SPAG9: variants seen among roughly 807,000 people sequenced by gnomAD.
The protein encoded by SPAG9 is C-Jun-amino-terminal kinase-interacting protein 4.
A neutral mutation model predicts 166.5 loss-of-function variants in SPAG9; 35 were observed. That is an observed-to-expected ratio of 0.21 (90% CI 0.16 to 0.28). The LOEUF is 0.28. Ranked by LOEUF, SPAG9 falls within the 10% of genes least tolerant of loss-of-function variation. The pLI is 1.00. For missense variants in SPAG9, 1,235 were observed against 1,603.3 expected (o/e 0.77, Z 3.92); for synonymous variants, 534 against 565.5 (o/e 0.94, Z 0.79).
chr17:50,996,499 T>G, intron 16 of SPAG9, 66 bp downstream of exon 16: 2 of 1,582,562 alleles, frequency 1.3e-6, no homozygotes, highest in Non-Finnish European at 1.7e-6. Context: ...GAATCCTTCA[T>G]GCCCACGCAC....
rs144601572 is a variant in SPAG9, at chr17:51,074,546, A to C, written c.424+5038T>G. 3.1e-3 allele frequency among the ~76,000 whole-genome samples: 476 copies of C among 152,354 alleles called. 3 individuals are homozygous for C. The highest frequency in any genetic ancestry group is 0.011 in the African/African-American group (449 of 41,590). ...TTTATACAGCAAGCTTTATTTCAGA[A>C]AGGAACAGCAGACTCCCAGGGGAGA... On this transcript the variant is annotated intron_variant, in intron 2 of 29. Transcript: ENST00000262013.
chr17:51,117,032 G>A (rs1318324966), intron 1 of SPAG9, among the ~76,000 whole-genome samples: 1 of 152,112 alleles, frequency 6.6e-6, no homozygotes, highest in Non-Finnish European at 1.5e-5. Context: ...CAGATTTCTT[G>A]ATTAGCATCT....
At chr17:50,985,834 T>C in intron 22 of SPAG9, 56 bp from the exon 23 acceptor site, 1 of 967,194 alleles carries the variant, frequency 1.0e-6, no homozygotes, top group Non-Finnish European at 1.6e-6. Flanking sequence ...ACATTGCATA[T>C]ATCTAACAAT....
intron 1 of SPAG9, among the ~76,000 whole-genome samples, chr17:51,098,497 T>C (rs940721938): frequency 3.3e-5 from 5 of 152,072 alleles, no homozygotes; most frequent in African/African-American, 4.8e-5. Flanking sequence ...TTTACTTATT[T>C]ATTTATTTAT....
chr17:51,041,569 C>T lies in SPAG9; in HGVS notation c.673G>A (p.Glu225Lys). 6.2e-7 allele frequency: 1 copy of T among 1,613,874 alleles called. No homozygotes were observed. Among genetic ancestry groups the T allele is most frequent in the Non-Finnish European group, 8.5e-7 (1 of 1,179,802 alleles). Reference protein sequence around the residue: ...LLTPDAQKGGETPGSEQWKFQ... With the variant: ...LLTPDAQKGGKTPGSEQWKFQ... ...TTCCATTGCTCAGATCCAGGGGTCT[C>T]TCCTCCTTTCTGAGCATCAGGTGTA... is the stretch of plus-strand genomic sequence containing the variant. The change falls in exon 5 of 30, where the codon GAG (glutamate) becomes AAG (lysine). Residue 225 changes from glutamate (E) to lysine (K), a missense_variant. This residue lies in a region of SPAG9 where 288 missense variants were observed against 323.7 expected (regional missense o/e 0.89). Coordinates refer to ENST00000262013, the MANE Select transcript of SPAG9 (RefSeq NM_001130528.3).
chr17:51,025,022 A>G (rs986773130), intron 6 of SPAG9, among the ~76,000 whole-genome samples: 3 of 151,598 alleles, frequency 2.0e-5, no homozygotes, highest in African/African-American at 7.3e-5. Context: ...TCATCTCAAA[A>G]AAAAAAAAAA....
intron 28 of SPAG9, among the ~76,000 whole-genome samples, chr17:50,973,224 C>T (rs28712272): frequency 0.066 from 10,050 of 152,154 alleles, 993 homozygotes; most frequent in African/African-American, 0.22. Context: ...TGTTTATAAA[C>T]ACATTCAAAC....
At position 51,041,577 on chromosome 17, in the gene SPAG9, T is replaced by C. The variant is rs1396510233; in HGVS notation, c.665A>G (p.Lys222Arg). The stretch of plus-strand genomic sequence containing the variant: ...CTCAGATCCAGGGGTCTCTCCTCCT[T>C]TCTGAGCATCAGGTGTAAGCAATCC... ...GDGLLTPDAQKGGETPGSEQW... is the reference protein window; with the variant it reads ...GDGLLTPDAQRGGETPGSEQW... Residue 222 changes from lysine to arginine, a missense_variant, in exon 5 of 30, where the codon AAA becomes AGA. By Grantham distance (26) the Lys-to-Arg change is conservative. This residue lies in a region of SPAG9 where 288 missense variants were observed against 323.7 expected (regional missense o/e 0.89). Transcript: ENST00000262013. 6.2e-7 allele frequency: 1 copy of C among 1,613,878 alleles called. No individual in the cohort carries two copies. The highest frequency in any genetic ancestry group is 8.5e-7 in the Non-Finnish European group (1 of 1,179,760).
At chr17:50,973,078 C>G (rs1208032387) in intron 28 of SPAG9, among the ~76,000 whole-genome samples, 1 of 152,094 alleles carries the variant, frequency 6.6e-6, no homozygotes, top group Non-Finnish European at 1.5e-5. Flanking sequence ...AGTTATAATA[C>G]CAGTTAAATG....
At chr17:51,032,316 C>G (rs1272287967) in intron 5 of SPAG9, among the ~76,000 whole-genome samples, 1 of 152,088 alleles carries the variant, frequency 6.6e-6, no homozygotes, top group Non-Finnish European at 1.5e-5. Flanking sequence ...GTGTACCCCA[C>G]CATGCCTGGA....
intron 7 of SPAG9, 56 bp downstream of exon 7, chr17:51,021,102 C>T (rs1287837474): frequency 1.4e-6 from 2 of 1,436,654 alleles, no homozygotes; most frequent in Non-Finnish European, 2.0e-6. Context: ...CTCATACCCA[C>T]ATTATCCAGG....
chr17:51,032,259 T>C (rs2046411855), intron 5 of SPAG9, among the ~76,000 whole-genome samples: 1 of 152,108 alleles, frequency 6.6e-6, no homozygotes, highest in African/African-American at 2.4e-5. Flanking sequence ...CTTCGCAGGA[T>C]TCAGGTGATT....
chr17:51,003,885 G>A (rs933854879), intron 12 of SPAG9, among the ~76,000 whole-genome samples: 2 of 152,234 alleles, frequency 1.3e-5, no homozygotes, highest in Non-Finnish European at 2.9e-5. Flanking sequence ...CCCACCTGGA[G>A]ACTTCTACTG....
At chr17:51,049,005 C>T (rs1047440416) in intron 3 of SPAG9, among the ~76,000 whole-genome samples, 1 of 152,028 alleles carries the variant, frequency 6.6e-6, no homozygotes, top group Non-Finnish European at 1.5e-5. Flanking sequence ...TTTTCAGGAA[C>T]AAAAATCAAA....
chr17:50,965,559 T>C lies in SPAG9; in HGVS notation c.*713A>G, dbSNP rs1488743355. On this transcript the variant is annotated 3_prime_UTR_variant, in exon 30 of 30. Transcript: ENST00000262013. ...AGACATGTCAGTATGAAAATGAGAC[T>C]GGTCTCAAAAAAAACCCATCAGAAT... 1 of 152,182 alleles carries C rather than the reference T, an allele frequency of 6.6e-6. No homozygotes were observed. The highest frequency in any genetic ancestry group is 2.4e-5 in the African/African-American group (1 of 41,454). The allele number at this position is 152,182 out of a possible 1,614,324, so 9.4% of individuals were successfully genotyped here. A position where few individuals can be genotyped will look rare whatever the true frequency, so the allele number is the denominator to read the frequency against.
chr17:51,077,005 G>GCTATCTAGCTAT (rs201838131), intron 2 of SPAG9, among the ~76,000 whole-genome samples: 19,291 of 91,340 alleles, frequency 0.21, 3,211 homozygotes, highest in Non-Finnish European at 0.27. Context: ...TAGCTATCTA[G>GCTATCTAGCTAT]CTAGCTAGCT....
intron 3 of SPAG9, among the ~76,000 whole-genome samples, chr17:51,048,109 T>C (rs543330226): frequency 6.6e-6 from 1 of 152,152 alleles, no homozygotes; most frequent in Non-Finnish European, 1.5e-5. Flanking sequence ...TTAATACAAA[T>C]GTAAAAAATT....
rs1568083867 is a variant in SPAG9, at chr17:51,095,978, T to TATATAGTGATATATATATATAGTG, written c.304-16275_304-16274insCACTATATATATATATCACTATAT. 6.8e-4 allele frequency among the ~76,000 whole-genome samples: 32 copies of TATATAGTGATATATATATATAGTG among 47,142 alleles called. 1 individual carries two copies. The highest frequency in any genetic ancestry group is 2.6e-3 in the African/African-American group (32 of 12,486). 30.9% of individuals were successfully genotyped at this position (47,142 alleles called of 152,430 possible). A position where few individuals can be genotyped will look rare whatever the true frequency, so the allele number is the denominator to read the frequency against. On this transcript the variant is annotated intron_variant, in intron 1 of 29. Transcript: ENST00000262013. ...ATAGTGATATATATATATAGTGATA[T>TATATAGTGATATATATATATAGTG]ATATATATATAGTGATATATATATA...
intron 2 of SPAG9, 45 bp from the exon 3 acceptor site, chr17:51,056,527 T>A (rs775678717): frequency 1.6e-6 from 2 of 1,278,852 alleles, no homozygotes; most frequent in African/African-American, 1.5e-5. Flanking sequence ...AATAAGAAAT[T>A]TACTTGAAAA....
Sources: gnomAD v4.1 joint callset for allele counts (sites outside exome capture counted in the v4.1 genomes callset) on GRCh38, gnomAD v4.1.1 for gene constraint, gnomAD v4.1.1 regional missense constraint, MANE v1.5 for transcripts, NCBI Gene and HGNC (gene_info 2026-07-23, HGNC 2026-07-21) for gene names.